The following CCDC149 variants were observed in gnomAD, a reference collection of about 807,000 sequenced individuals.
The protein encoded by CCDC149 is coiled-coil domain-containing protein 149.
A neutral mutation model predicts 59.9 loss-of-function variants in CCDC149; 45 were observed. The ratio of observed to expected loss-of-function variants is 0.75; its 90% CI spans 0.59 to 0.96. CCDC149 has a LOEUF of 0.96. CCDC149 is among the 40% of genes least tolerant of loss of function. The pLI is 0.00. For synonymous variants in CCDC149, 245 were observed against 260.6 expected (o/e 0.94, Z 0.58); for missense variants, 584 against 664.7 (o/e 0.88, Z 1.33).
intron 4 of CCDC149, among the ~76,000 whole-genome samples, chr4:24,842,387 T>C (rs531788242): frequency 6.6e-6 from 1 of 152,162 alleles, no homozygotes; most frequent in Non-Finnish European, 1.5e-5. Flanking sequence ...CTTATCTATG[T>C]AGTGCAGGCA....
chr4:24,815,600 G>T (rs1714963533), intron 12 of CCDC149, among the ~76,000 whole-genome samples: 1 of 152,068 alleles, frequency 6.6e-6, no homozygotes. Flanking sequence ...AACCTTACTC[G>T]TAACAACCTA....
intron 1 of CCDC149, among the ~76,000 whole-genome samples, chr4:24,881,083 A>G (rs1325888256): frequency 6.6e-6 from 1 of 152,226 alleles, no homozygotes; most frequent in Non-Finnish European, 1.5e-5. Flanking sequence ...GATGATTTCC[A>G]AAGACTGTCT....
At chr4:24,887,919 A>G (rs968080414) in intron 1 of CCDC149, among the ~76,000 whole-genome samples, 5 of 151,846 alleles carry the variant, frequency 3.3e-5, no homozygotes, top group Non-Finnish European at 7.4e-5. Flanking sequence ...CCCGCCCTCC[A>G]TGTTCCTGTT....
At chr4:24,873,641 G>A in intron 3 of CCDC149, 40 bp downstream of exon 3, 4 of 1,365,150 alleles carry the variant, frequency 2.9e-6, no homozygotes, top group African/African-American at 1.4e-5. Context: ...ATTGCTGCTA[G>A]GTATCAATAA....
intron 4 of CCDC149, among the ~76,000 whole-genome samples, chr4:24,852,751 A>C (rs113398118): frequency 6.6e-6 from 1 of 152,212 alleles, no homozygotes; most frequent in African/African-American, 2.4e-5. Flanking sequence ...TTTGTATATA[A>C]GGGCGAAAGT....
chr4:24,826,108 G>C (rs776746182), intron 9 of CCDC149, among the ~76,000 whole-genome samples: 1 of 151,700 alleles, frequency 6.6e-6, no homozygotes, highest in East Asian at 2.0e-4. Context: ...GGTGTCTGCT[G>C]CCACGCCTGG....
intron 1 of CCDC149, among the ~76,000 whole-genome samples, chr4:24,892,127 A>C (rs1490968289): frequency 6.6e-6 from 1 of 152,226 alleles, no homozygotes; most frequent in Non-Finnish European, 1.5e-5. Flanking sequence ...TCAGAGGCAG[A>C]GAGACTTAAA....
intron 9 of CCDC149, chr4:24,827,447 T>G (rs537965602): frequency 6.6e-6 from 1 of 152,126 alleles, no homozygotes; most frequent in African/African-American, 2.4e-5. Context: ...GCAGGAAGGA[T>G]AGCAAAAGGC....
chr4:24,819,098 T>C (rs1715195410), intron 12 of CCDC149, among the ~76,000 whole-genome samples: 1 of 152,240 alleles, frequency 6.6e-6, no homozygotes, highest in Non-Finnish European at 1.5e-5. Flanking sequence ...ACACCCTGCC[T>C]CCAGAACTGT....
At chr4:24,863,211 T>C (rs1718490276) in intron 3 of CCDC149, among the ~76,000 whole-genome samples, 1 of 152,150 alleles carries the variant, frequency 6.6e-6, no homozygotes, top group Admixed American at 6.5e-5. Context: ...AAGAATTGCT[T>C]GAACCCAGAG....
chr4:24,848,856 G>T (rs1377350644), intron 4 of CCDC149, among the ~76,000 whole-genome samples: 1 of 152,194 alleles, frequency 6.6e-6, no homozygotes, highest in East Asian at 1.9e-4. Flanking sequence ...GTGCATAAGT[G>T]CTCAGTGAAG....
chr4:24,893,181 CCTT>C (rs1025794127), intron 1 of CCDC149, among the ~76,000 whole-genome samples: 3 of 152,144 alleles, frequency 2.0e-5, no homozygotes, highest in Admixed American at 6.5e-5. Flanking sequence ...ATGTCTTCCT[CCTT>C]CTTGCCACAT....
chr4:24,931,341 A>AGCC (rs1722583257), intron 1 of CCDC149, among the ~76,000 whole-genome samples: 1 of 144,596 alleles, frequency 6.9e-6, no homozygotes, highest in Admixed American at 6.9e-5. Flanking sequence ...ATCTCAGTAC[A>AGCC]GGCAAGGCTA....
At chr4:24,896,768 G>A (rs1405690) in intron 1 of CCDC149, among the ~76,000 whole-genome samples, 152,136 of 152,266 alleles carry the variant, frequency 1, 76,004 homozygotes, top group Non-Finnish European at 1. Flanking sequence ...AAAGATCACA[G>A]TCTATATTTT....
chr4:24,900,521 A>AC (rs1721107134), intron 1 of CCDC149, among the ~76,000 whole-genome samples: 1 of 152,198 alleles, frequency 6.6e-6, no homozygotes, highest in Non-Finnish European at 1.5e-5. Flanking sequence ...CAGGTCCTGC[A>AC]CTACCTGAGC....
chr4:24,843,552 A>T (rs1369843908), intron 4 of CCDC149, among the ~76,000 whole-genome samples: 3 of 152,236 alleles, frequency 2.0e-5, no homozygotes, highest in African/African-American at 7.2e-5. Flanking sequence ...TGTGTACACC[A>T]GAGTCCAAAT....
At chr4:24,903,243 C>G (rs994045052) in intron 1 of CCDC149, among the ~76,000 whole-genome samples, 3 of 151,948 alleles carry the variant, frequency 2.0e-5, no homozygotes, top group African/African-American at 7.3e-5. Context: ...AGGGCCTGCT[C>G]CTGAAGATAT....
intron 1 of CCDC149, among the ~76,000 whole-genome samples, chr4:24,921,640 C>T (rs1252366001): frequency 6.6e-6 from 1 of 152,226 alleles, no homozygotes; most frequent in African/African-American, 2.4e-5. Context: ...AACTAATGTA[C>T]CTGCCATCAC....
intron 1 of CCDC149, among the ~76,000 whole-genome samples, chr4:24,894,305 G>A (rs955368717): frequency 2.0e-5 from 3 of 152,188 alleles, no homozygotes; most frequent in Non-Finnish European, 4.4e-5. Context: ...AATAAGAGTA[G>A]TGGTAGCAAT....
Sources: gnomAD v4.1 joint callset for allele counts (sites outside exome capture counted in the v4.1 genomes callset) on GRCh38, gnomAD v4.1.1 for gene constraint, MANE v1.5 for transcripts, NCBI Gene and HGNC (gene_info 2026-07-23, HGNC 2026-07-21) for gene names.